GPC6: variants seen among roughly 807,000 people sequenced by gnomAD.
GPC6 encodes the protein glypican 6.
In GPC6, 14 loss-of-function variants were observed where a neutral mutation model predicts 55.2. The ratio of observed to expected loss-of-function variants is 0.25; its 90% confidence interval spans 0.17 to 0.40. GPC6 has a LOEUF of 0.40. Ranked by LOEUF, GPC6 falls within the 10% of genes least tolerant of loss-of-function variation. GPC6 has a pLI of 1.00. For missense variants in GPC6, 641 were observed against 708.5 expected (o/e 0.90, Z 1.08); for synonymous variants, 278 against 259.6 (o/e 1.07, Z -0.68).
intron 2 of GPC6, among the ~76,000 whole-genome samples, chr13:93,789,563 A>AAT (rs1225270030): frequency 2.6e-5 from 3 of 114,698 alleles, no homozygotes; most frequent in Non-Finnish European, 3.6e-5. Flanking sequence ...CTTAGTTAAT[A>AAT]ATATATATAT....
At chr13:94,095,137 C>T (rs1044153083) in intron 4 of GPC6, among the ~76,000 whole-genome samples, 1 of 151,836 alleles carries the variant, frequency 6.6e-6, no homozygotes, top group Admixed American at 6.6e-5. Flanking sequence ...TAATAATTCC[C>T]CAAGGTATAT....
chr13:93,650,132 A>T (rs947890772), intron 2 of GPC6, among the ~76,000 whole-genome samples: 3 of 152,166 alleles, frequency 2.0e-5, no homozygotes, highest in African/African-American at 7.2e-5. Context: ...CAATTCAAAT[A>T]ATCTACATTT....
At chr13:94,250,902 T>C (rs535554145) in intron 4 of GPC6, among the ~76,000 whole-genome samples, 77 of 152,248 alleles carry the variant, frequency 5.1e-4, no homozygotes, top group African/African-American at 1.8e-3. Context: ...GCAAGAGTAA[T>C]TTAAAGTTTC....
At chr13:94,290,083 A>G (rs1242004733) in intron 5 of GPC6, among the ~76,000 whole-genome samples, 3 of 152,180 alleles carry the variant, frequency 2.0e-5, no homozygotes, top group African/African-American at 7.2e-5. Flanking sequence ...TGGCATAAAA[A>G]CAGTTTTATT....
intron 4 of GPC6, among the ~76,000 whole-genome samples, chr13:94,272,557 C>T (rs1291131213): frequency 2.7e-5 from 4 of 149,860 alleles, no homozygotes; most frequent in African/African-American, 9.9e-5. Context: ...CAAGCTCCGC[C>T]TCCCAGGTTC....
intron 4 of GPC6, among the ~76,000 whole-genome samples, chr13:94,074,660 T>C (rs1244267090): frequency 1.3e-5 from 2 of 152,204 alleles, no homozygotes; most frequent in Non-Finnish European, 2.9e-5. Context: ...TCACCTGGCT[T>C]TCAGCACCTC....
intron 4 of GPC6, among the ~76,000 whole-genome samples, chr13:94,044,316 A>G (rs74111414): frequency 0.022 from 3,290 of 151,944 alleles, 123 homozygotes; most frequent in African/African-American, 0.07. Context: ...TTTCACTTAA[A>G]TTTATGCCTA....
intron 6 of GPC6, among the ~76,000 whole-genome samples, chr13:94,314,204 A>G (rs1455866949): frequency 6.6e-6 from 1 of 152,236 alleles, no homozygotes; most frequent in African/African-American, 2.4e-5. Context: ...GAATATTAAT[A>G]TTAGCATACA....
At chr13:93,437,868 A>G (rs2139283872) in intron 1 of GPC6, among the ~76,000 whole-genome samples, 1 of 152,312 alleles carries the variant, frequency 6.6e-6, no homozygotes, top group South Asian at 2.1e-4. Context: ...TCATATTTAG[A>G]GAGAAGTTAA....
At position 93,838,114 on chromosome 13, in the gene GPC6, A is replaced by T. The variant is rs149990988; in HGVS notation, c.711+7569A>T. On this transcript the variant is annotated intron_variant, in intron 3 of 8. Transcript: ENST00000377047. ...ATTCCAGTACTTTCAAGAGACAGACATGGGCTGAGCACCTACTATGTGCCA... is the reference window on the plus strand; with the variant it reads ...ATTCCAGTACTTTCAAGAGACAGACTTGGGCTGAGCACCTACTATGTGCCA... 4.4e-3 allele frequency among the ~76,000 whole-genome samples: 668 copies of T among 152,320 alleles called. 6 individuals are homozygous for T. The highest frequency in any genetic ancestry group is 0.015 in the African/African-American group (632 of 41,570).
intron 1 of GPC6, among the ~76,000 whole-genome samples, chr13:93,258,873 C>A (rs1335326866): frequency 6.6e-6 from 1 of 152,124 alleles, no homozygotes; most frequent in South Asian, 2.1e-4. Flanking sequence ...TCCCTTGAAC[C>A]CAGAAGTTTG....
chr13:94,288,144 T>C (rs1594134218), intron 5 of GPC6, among the ~76,000 whole-genome samples: 1 of 152,248 alleles, frequency 6.6e-6, no homozygotes, highest in African/African-American at 2.4e-5. Flanking sequence ...GACAAGACAC[T>C]GAACAGATCA....
At chr13:93,720,245 A>G (rs1883404278) in intron 2 of GPC6, among the ~76,000 whole-genome samples, 1 of 151,840 alleles carries the variant, frequency 6.6e-6, no homozygotes, top group South Asian at 2.1e-4. Context: ...CAATTTCAGA[A>G]CTTGTTATTG....
intron 6 of GPC6, among the ~76,000 whole-genome samples, chr13:94,325,490 T>C (rs571446367): frequency 6.6e-6 from 1 of 152,350 alleles, no homozygotes; most frequent in African/African-American, 2.4e-5. Flanking sequence ...TTCAAGGTCC[T>C]CATTTTATAA....
intron 1 of GPC6, among the ~76,000 whole-genome samples, chr13:93,242,509 AC>A (rs980471416): frequency 6.6e-6 from 1 of 152,168 alleles, no homozygotes; most frequent in African/African-American, 2.4e-5. Context: ...AAGACCATCT[AC>A]AGATGCACCC....
chr13:94,298,026 T>A (rs954844057), intron 5 of GPC6, among the ~76,000 whole-genome samples: 2 of 152,014 alleles, frequency 1.3e-5, no homozygotes, highest in African/African-American at 4.8e-5. Context: ...CCGTAAAAAA[T>A]TACCACACTA....
At chr13:93,239,105 G>A (rs1876342888) in intron 1 of GPC6, among the ~76,000 whole-genome samples, 1 of 151,854 alleles carries the variant, frequency 6.6e-6, no homozygotes, top group African/African-American at 2.4e-5. Context: ...GGCTTCATAG[G>A]ATGAGTTAGG....
intron 2 of GPC6, among the ~76,000 whole-genome samples, chr13:93,814,027 T>C (rs1886775616): frequency 6.6e-6 from 1 of 152,146 alleles, no homozygotes; most frequent in African/African-American, 2.4e-5. Flanking sequence ...CTTCTTAACA[T>C]GTAACTGCTT....
intron 4 of GPC6, among the ~76,000 whole-genome samples, chr13:94,037,312 C>CCA (rs1883372845): frequency 6.6e-6 from 1 of 151,886 alleles, no homozygotes; most frequent in Admixed American, 6.6e-5. Flanking sequence ...GTGCCTAATA[C>CCA]CACACTTTAT....
Sources: gnomAD v4.1 joint callset for allele counts (sites outside exome capture counted in the v4.1 genomes callset) on GRCh38, gnomAD v4.1.1 for gene constraint, MANE v1.5 for transcripts, NCBI Gene and HGNC (gene_info 2026-07-23, HGNC 2026-07-21) for gene names.